Variants in ANXA11 observed in about 807,000 individuals in gnomAD.
The protein encoded by ANXA11 is annexin A11.
Under a neutral mutation model 64.7 loss-of-function variants are expected in ANXA11, and 57 were observed. The observed-to-expected ratio is 0.88, with a 90% CI of 0.71 to 1.10. ANXA11 has a LOEUF of 1.10. Ranked by LOEUF, ANXA11 falls within the 50% of genes least tolerant of loss-of-function variation. The probability of loss-of-function intolerance (pLI) is 0.00; values close to 1 mark genes in which losing one functional copy is unlikely to be tolerated. For missense variants in ANXA11, 675 were observed against 670.7 expected, an observed-to-expected ratio of 1.01 and a Z score of -0.07; for synonymous variants, 260 against 265.2, an observed-to-expected ratio of 0.98 and a Z score of 0.19.
chr10:80,173,330 CCT>C (rs1265453124), intron 2 of ANXA11, among the ~76,000 whole-genome samples: 1 of 152,186 alleles, frequency 6.6e-6, no homozygotes, highest in East Asian at 1.9e-4. Flanking sequence ...GTCAGAGGCC[CCT>C]GTCTCTCTTC....
chr10:80,173,574 C>CAGG (rs2132429122), intron 2 of ANXA11, among the ~76,000 whole-genome samples: 1 of 151,750 alleles, frequency 6.6e-6, no homozygotes, highest in South Asian at 2.1e-4. Flanking sequence ...CCAGGTGAGA[C>CAGG]ACCTGCTCTC....
intron 15 of ANXA11, chr10:80,156,343 G>C: frequency 2.2e-6 from 1 of 455,856 alleles, no homozygotes; most frequent in South Asian, 1.6e-5. Context: ...CCAGGTCCCA[G>C]GGATCTCTCC....
At chr10:80,157,443 G>A (rs981578225) in intron 15 of ANXA11, 198 bp downstream of exon 15, 5 of 985,188 alleles carry the variant, frequency 5.1e-6, no homozygotes, top group South Asian at 4.7e-5. Context: ...AGGTGGGGGC[G>A]ACAGCAAGGT....
intron 12 of ANXA11, among the ~76,000 whole-genome samples, chr10:80,160,476 C>A (rs576432762): frequency 6.6e-6 from 1 of 152,126 alleles, no homozygotes; most frequent in South Asian, 2.1e-4. Flanking sequence ...ACAGAGCGGT[C>A]GCTGGGTTTT....
Position 80,169,097 on chromosome 10 carries a change from G to T in ANXA11, c.433C>A (p.Pro145Thr). 1 of 1,537,060 alleles carries T rather than the reference G, an allele frequency of 6.5e-7. No homozygotes were observed. Residue 145 changes from proline to threonine, a missense_variant, in exon 5 of 16, where the codon CCT becomes ACT. Coordinates refer to ENST00000422982, the MANE Select transcript of ANXA11 (RefSeq NM_145868.2). The stretch of plus-strand genomic sequence containing the variant: ...GGGTAGGTCACTGGTGGCTGCCCAG[G>T]GTAGGCCCCTGGGGGCTGCTGTCCG... ...PPGQQPPGAYPGQPPVTYPGQ... is the reference protein window; with the variant it reads ...PPGQQPPGAYTGQPPVTYPGQ...
In ANXA11 at chr10:80,195,767, T is replaced by A. The variant is rs41317278; in HGVS notation, c.-58+9576A>T. The A allele has an allele frequency of 4.1e-3, 674 of 163,064 alleles. 3 individuals are homozygous for A. The highest frequency in any genetic ancestry group is 0.04 in the Middle Eastern group (14 of 352). 10.1% of individuals were successfully genotyped at this position (163,064 alleles called of 1,614,324 possible). ...GCTGGGGAGGCCTCACAATCATGGC[T>A]GAAGGTGAAAGGCACGTCTCACATG... On this transcript the variant is annotated intron_variant, in intron 1 of 15. Transcript: ENST00000422982.
At chr10:80,167,034 C>A in intron 6 of ANXA11, 50 bp from the exon 7 acceptor site, 1 of 1,455,710 alleles carries the variant, frequency 6.9e-7, no homozygotes. Flanking sequence ...ATGAGATGCT[C>A]TGCAGCTGAG....
chr10:80,205,525 G>A lies in ANXA11; in HGVS notation c.-240C>T, dbSNP rs902415510. 2.2e-4 allele frequency: 34 copies of A among 152,108 alleles called. No homozygotes were observed. The highest frequency in any genetic ancestry group is 6.3e-4 in the African/African-American group (26 of 41,510). The allele number at this position is 152,108 out of a possible 1,614,324, so 9.4% of individuals were successfully genotyped here. On this transcript the variant is annotated 5_prime_UTR_variant, in exon 1 of 16. Transcript: ENST00000422982. ...GCGGGCGCAGCAGCCGTCAGCGCCG[G>A]GCGGAAAACTCCGCGGGCGCGGCTG... is the stretch of plus-strand genomic sequence containing the variant.
At chr10:80,157,325 A>G (rs1161102389) in intron 15 of ANXA11, 1 of 985,300 alleles carries the variant, frequency 1.0e-6, no homozygotes, top group Non-Finnish European at 1.2e-6. Flanking sequence ...CCTTTGGGAC[A>G]TGAGTTCTCA....
At chr10:80,174,756 C>T (rs777331105) in intron 2 of ANXA11, among the ~76,000 whole-genome samples, 2 of 152,148 alleles carry the variant, frequency 1.3e-5, no homozygotes, top group Non-Finnish European at 2.9e-5. Flanking sequence ...TGGAGTTTCG[C>T]CATGTTGGCC....
chr10:80,172,942 G>C (rs749301490), intron 2 of ANXA11, 73 bp from the exon 3 acceptor site: 36 of 1,365,630 alleles, frequency 2.6e-5, no homozygotes, highest in Non-Finnish European at 3.5e-5. Flanking sequence ...CCAGCTTCTT[G>C]AAAGGGCAGC....
rs116869837 is a variant in ANXA11, at chr10:80,173,115, A to G, written c.-8-246T>C. On this transcript the variant is annotated intron_variant, in intron 2 of 15. Coordinates refer to ENST00000422982, the MANE Select transcript of ANXA11 (RefSeq NM_145868.2). The stretch of plus-strand genomic sequence containing the variant: ...CACACCCCCGGCCCCACCCACAGTG[A>G]CAGGATTCACTCCCCATGAGCCAGT... The G allele has an allele frequency of 6.4e-4, 311 of 489,642 alleles. 4 individuals carry two copies. In the East Asian group the frequency reaches 0.012, roughly 19 times the overall value. The allele number at this position is 489,642 out of a possible 1,614,324, so 30.3% of individuals were successfully genotyped here. A position where few individuals can be genotyped will look rare whatever the true frequency, so the allele number is the denominator to read the frequency against.
At chr10:80,171,797 G>C in intron 3 of ANXA11, 14 of 985,534 alleles carry the variant, frequency 1.4e-5, no homozygotes, top group Non-Finnish European at 1.7e-5. Flanking sequence ...AGGCTGCTCA[G>C]CTGTGCTAGC....
At position 80,154,978 on chromosome 10, in the gene ANXA11, A is replaced by G. The variant is rs1845227419; in HGVS notation, c.*875T>C. The G allele has an allele frequency of 6.6e-6, 1 of 152,218 alleles. No homozygotes were observed. The highest frequency in any genetic ancestry group is 2.1e-4 in the South Asian group (1 of 4,822). The allele number at this position is 152,218 out of a possible 1,614,324, so 9.4% of individuals were successfully genotyped here. ...CGGGAACCTCCCTTCCCATGTCCTT[A>G]CGAGTCCCTGCAAACTAGTGTATGC... is the stretch of plus-strand genomic sequence containing the variant. On this transcript the variant is annotated 3_prime_UTR_variant, in exon 16 of 16. Coordinates refer to ENST00000422982, the MANE Select transcript of ANXA11 (RefSeq NM_145868.2).
intron 14 of ANXA11, 85 bp downstream of exon 14, chr10:80,157,881 TC>T: frequency 6.3e-7 from 1 of 1,588,978 alleles, no homozygotes; most frequent in Non-Finnish European, 8.6e-7. Context: ...GATTTAGCTC[TC>T]CCCAGGCCTT....
At position 80,163,338 on chromosome 10, in the gene ANXA11, A is replaced by G; in HGVS notation, c.1086+11T>C. 6.2e-7 allele frequency: 1 copy of G among 1,612,922 alleles called. No homozygotes were observed. The highest frequency in any genetic ancestry group is 1.1e-5 in the South Asian group (1 of 91,010). On this transcript the variant is annotated intron_variant, in intron 11 of 15. Coordinates refer to ENST00000422982, the MANE Select transcript of ANXA11 (RefSeq NM_145868.2). ...CTTTAGGAAGTCCAGGGGCTTGGCC[A>G]TCACACTCACCTGGGCATCTCTCTG... is the stretch of plus-strand genomic sequence containing the variant.
chr10:80,158,245 T>C (rs1845357559), intron 13 of ANXA11, among the ~76,000 whole-genome samples: 1 of 152,170 alleles, frequency 6.6e-6, no homozygotes, highest in African/African-American at 2.4e-5. Context: ...CCCACCCTCT[T>C]TCCTGGCAAC....
chr10:80,196,303 A>C (rs1840163047), intron 1 of ANXA11, among the ~76,000 whole-genome samples: 1 of 152,182 alleles, frequency 6.6e-6, no homozygotes, highest in African/African-American at 2.4e-5. Context: ...CCATGAGAGC[A>C]TCAGTGCTAC....
In ANXA11 at chr10:80,157,951, C is replaced by T. The variant is rs544924707; in HGVS notation, c.1335+16G>A. 4.3e-6 allele frequency: 7 copies of T among 1,613,316 alleles called. No homozygotes were observed. Among genetic ancestry groups the T allele is most frequent in the East Asian group, 2.2e-5 (1 of 44,866 alleles). On this transcript the variant is annotated intron_variant, in intron 14 of 15. Transcript: ENST00000422982. ...GGCTAAGGTTCCATCGCAACCTGCA[C>T]ATGGAAGTTACATACCCTCATGGCC... is the stretch of plus-strand genomic sequence containing the variant.
Sources: gnomAD v4.1 joint callset for allele counts (sites outside exome capture counted in the v4.1 genomes callset) on GRCh38, gnomAD v4.1.1 for gene constraint, MANE v1.5 for transcripts, NCBI Gene and HGNC (gene_info 2026-07-23, HGNC 2026-07-21) for gene names.